The following HAUS1 variants were observed in gnomAD, a reference collection of about 807,000 sequenced individuals.
HAUS1 encodes HAUS augmin-like complex subunit 1.
HAUS1 carries 25 observed loss-of-function variants against 38.6 expected under a neutral mutation model. That is an observed-to-expected ratio of 0.65 (90% CI 0.47 to 0.91). HAUS1 has a LOEUF of 0.91. HAUS1 is among the 40% of genes least tolerant of loss of function. The pLI is 0.00. For missense variants in HAUS1, 325 were observed against 328.4 expected (o/e 0.99, Z 0.08); for synonymous variants, 109 against 112.9 (o/e 0.97, Z 0.22).
At chr18:46,108,271 CTTTTTTT>C in intron 2 of HAUS1, among the ~76,000 whole-genome samples, 1 of 115,234 alleles carries the variant, frequency 8.7e-6, no homozygotes, top group Non-Finnish European at 1.8e-5. Context: ...GAATTTACTT[CTTTTTTT>C]TTTTTTTTTT....
Position 46,112,927 on chromosome 18 carries a change from T to A in HAUS1, c.206-5254T>A, listed in dbSNP as rs1455986567. 3.8e-4 allele frequency among the ~76,000 whole-genome samples: 44 copies of A among 115,926 alleles called. 3 individuals are homozygous for A. Among genetic ancestry groups the A allele is most frequent in the African/African-American group, 1.5e-3 (43 of 27,774 alleles). 76.1% of individuals were successfully genotyped at this position (115,926 alleles called of 152,430 possible). A position where few individuals can be genotyped will look rare whatever the true frequency, so the allele number is the denominator to read the frequency against. On this transcript the variant is annotated intron_variant, in intron 2 of 8. Coordinates refer to ENST00000282058, the MANE Select transcript of HAUS1 (RefSeq NM_138443.4). The stretch of plus-strand genomic sequence containing the variant: ...ATATATATAATATATATAATGTGTA[T>A]ATATTCCATATAATATATATAATAT...
At chr18:46,105,618 G>C (rs938816560) in intron 2 of HAUS1, among the ~76,000 whole-genome samples, 18 of 149,848 alleles carry the variant, frequency 1.2e-4, no homozygotes, top group Non-Finnish European at 2.1e-4. Context: ...ATCTTGCTCT[G>C]TCGCCCAGGC....
At chr18:46,122,407 T>C in intron 4 of HAUS1, 60 bp from the exon 5 acceptor site, 1 of 1,551,326 alleles carries the variant, frequency 6.4e-7, no homozygotes, top group South Asian at 1.1e-5. Flanking sequence ...GAGTTTCTAT[T>C]GTACAATACT....
intron 6 of HAUS1, among the ~76,000 whole-genome samples, chr18:46,123,701 G>T (rs568919633): frequency 5.3e-5 from 8 of 152,202 alleles, no homozygotes; most frequent in African/African-American, 1.9e-4. Flanking sequence ...TAAAATGCAG[G>T]TCTCCAAACT....
chr18:46,120,123 A>C (rs1911898235), intron 4 of HAUS1, 63 bp downstream of exon 4: 2 of 1,234,198 alleles, frequency 1.6e-6, no homozygotes, highest in Non-Finnish European at 2.2e-6. Flanking sequence ...ACATTGTCAA[A>C]TTTAGTTTTG....
chr18:46,125,783 C>T lies in HAUS1; in HGVS notation c.778C>T (p.Arg260Ter), dbSNP rs767082670. The T allele has an allele frequency of 1.6e-5, 26 of 1,594,704 alleles. No homozygotes were observed. The highest frequency in any genetic ancestry group is 4.5e-5 in the East Asian group (2 of 44,740). The change falls in exon 8 of 9, where the codon CGA becomes TGA. Residue 260 changes from arginine to a stop codon, truncating the protein, a stop_gained. Transcript: ENST00000282058. LOFTEE classifies it high-confidence loss of function. ...TCAAGTGAAAATTGAAGAAGCAAAG[C>T]GAGAACTAGTAAGTAGTTCCTGTAA... is the stretch of plus-strand genomic sequence containing the variant. ...LAQVKIEEAK[R>*]ELDSIEAELT...
In HAUS1 at chr18:46,128,227, G is replaced by A; in HGVS notation, c.*102G>A. 6.8e-6 allele frequency: 4 copies of A among 589,826 alleles called. No homozygotes were observed. The highest frequency in any genetic ancestry group is 1.2e-5 in the Non-Finnish European group (4 of 345,168). 36.5% of individuals were successfully genotyped at this position (589,826 alleles called of 1,614,324 possible). ...ATTTCCTAATAACAAAACTTTCTGT[G>A]TTCTTAGATTACAGAATATCATAAT... On this transcript the variant is annotated 3_prime_UTR_variant, in exon 9 of 9. Transcript: ENST00000282058.
intron 2 of HAUS1, among the ~76,000 whole-genome samples, chr18:46,116,635 G>T (rs1330898937): frequency 1.3e-5 from 2 of 151,926 alleles, no homozygotes; most frequent in African/African-American, 2.4e-5. Flanking sequence ...TGGGCAAGGG[G>T]TATACACAGA....
chr18:46,110,258 T>C (rs545978231), intron 2 of HAUS1, among the ~76,000 whole-genome samples: 1 of 147,590 alleles, frequency 6.8e-6, no homozygotes, highest in African/African-American at 2.5e-5. Flanking sequence ...TGGGCTCAAG[T>C]GATCCCCCTG....
In HAUS1 at chr18:46,118,103, G is replaced by A; in HGVS notation, c.206-78G>A. ...CTTAGGTGGGTGGATTATATGCTATGTGAATTATGTCTTGATAAAGCTGTT... is the reference window on the plus strand; with the variant it reads ...CTTAGGTGGGTGGATTATATGCTATATGAATTATGTCTTGATAAAGCTGTT... On this transcript the variant is annotated intron_variant, in intron 2 of 8. Transcript: ENST00000282058. 14 of 1,409,062 alleles carry A rather than the reference G, an allele frequency of 9.9e-6. No homozygotes were observed. In the South Asian group the frequency reaches 1.4e-4, roughly 14 times the overall value. The allele number at this position is 1,409,062 out of a possible 1,614,324, so 87.3% of individuals were successfully genotyped here.
intron 4 of HAUS1, 72 bp from the exon 5 acceptor site, chr18:46,122,395 T>C: frequency 6.7e-7 from 1 of 1,491,252 alleles, no homozygotes; most frequent in African/African-American, 1.4e-5. Context: ...CCAAAAGTAG[T>C]AGAGTTTCTA....
chr18:46,114,192 T>C (rs1379658200), intron 2 of HAUS1, among the ~76,000 whole-genome samples: 1 of 152,256 alleles, frequency 6.6e-6, no homozygotes, highest in East Asian at 1.9e-4. Flanking sequence ...CAGTTTAGCC[T>C]GTATCTTGAA....
rs374016580 is a variant in HAUS1 at position 46,127,130 on chromosome 18, G to A, written c.787-945G>A. On this transcript the variant is annotated intron_variant, in intron 8 of 8. Transcript: ENST00000282058. Reference sequence around the variant, plus strand: ...GTTACAGGCGTGAGCCACCGTGCGCGGCCAAATTTTTGTATTTTTTTAGTA... The same window carrying A: ...GTTACAGGCGTGAGCCACCGTGCGCAGCCAAATTTTTGTATTTTTTTAGTA... 8.0e-4 allele frequency among the ~76,000 whole-genome samples: 122 copies of A among 151,762 alleles called. 1 individual carries two copies. The East Asian group carries it at 0.014, about 18-fold the overall frequency.
chr18:46,125,461 C>T (rs978836018), intron 7 of HAUS1, among the ~76,000 whole-genome samples: 3 of 151,346 alleles, frequency 2.0e-5, no homozygotes, highest in East Asian at 3.9e-4. Context: ...GCAGGAGAAT[C>T]GCTTGAACCC....
At chr18:46,109,422 T>A (rs1450525406) in intron 2 of HAUS1, among the ~76,000 whole-genome samples, 1 of 152,204 alleles carries the variant, frequency 6.6e-6, no homozygotes, top group Non-Finnish European at 1.5e-5. Context: ...TATTTGTGAA[T>A]TTCCTAAATT....
intron 4 of HAUS1, among the ~76,000 whole-genome samples, chr18:46,120,318 T>C (rs1212221801): frequency 6.6e-6 from 1 of 151,296 alleles, no homozygotes; most frequent in Non-Finnish European, 1.5e-5. Flanking sequence ...CACTGCAACC[T>C]CCACCTCCTG....
At chr18:46,104,715 G>A (rs575814047) in intron 1 of HAUS1, among the ~76,000 whole-genome samples, 1 of 152,222 alleles carries the variant, frequency 6.6e-6, no homozygotes, top group South Asian at 2.1e-4. Context: ...TGGGACTTAT[G>A]AAGCCAAACC....
At chr18:46,119,679 C>G (rs906798629) in intron 3 of HAUS1, among the ~76,000 whole-genome samples, 8 of 152,118 alleles carry the variant, frequency 5.3e-5, no homozygotes, top group South Asian at 2.1e-4. Flanking sequence ...CTGGGTAGCA[C>G]AGAGAAGGAG....
rs905726601 is a variant in HAUS1 at position 46,128,232 on chromosome 18, T to C, written c.*107T>C. ...CTAATAACAAAACTTTCTGTGTTCT[T>C]AGATTACAGAATATCATAATTGATA... is the stretch of plus-strand genomic sequence containing the variant. On this transcript the variant is annotated 3_prime_UTR_variant, in exon 9 of 9. Coordinates refer to ENST00000282058, the MANE Select transcript of HAUS1 (RefSeq NM_138443.4). 4.1e-5 allele frequency: 23 copies of C among 566,020 alleles called. No individual in the cohort carries two copies. Among genetic ancestry groups the C allele is most frequent in the African/African-American group, 3.1e-4 (16 of 51,892 alleles). The allele number at this position is 566,020 out of a possible 1,614,324, so 35.1% of individuals were successfully genotyped here.
Sources: allele counts gnomAD v4.1 joint callset (sites outside exome capture counted in the v4.1 genomes callset), GRCh38; gene constraint gnomAD v4.1.1; transcripts MANE v1.5; gene names NCBI Gene and HGNC (gene_info 2026-07-23, HGNC 2026-07-21).